ARHGAP39: variants seen among roughly 807,000 people sequenced by gnomAD.
ARHGAP39 encodes rho GTPase-activating protein 39.
ARHGAP39 carries 44 observed loss-of-function variants against 106.9 expected under a neutral mutation model. The ratio of observed to expected loss-of-function variants is 0.41; its 90% CI spans 0.32 to 0.53. ARHGAP39 has a LOEUF of 0.53. Ranked by LOEUF, ARHGAP39 falls within the 20% of genes least tolerant of loss-of-function variation. The pLI, the probability that ARHGAP39 is intolerant of heterozygous loss-of-function variation, is 0.21. For missense variants in ARHGAP39, 1,496 were observed against 1,577.3 expected (o/e 0.95, Z 0.87); for synonymous variants, 768 against 693.2 (o/e 1.11, Z -1.69).
At position 144,603,101 on chromosome 8, in the gene ARHGAP39, G is replaced by A. The variant is rs1429782799; in HGVS notation, c.80+2434C>T. ...CGTGGAGGTGTGTGCGCGAGCTCAT[G>A]TATCTGTGTGCGTGGAGGCGTGTGT... On this transcript the variant is annotated intron_variant, in intron 2 of 11. Coordinates refer to ENST00000377307, the MANE Select transcript of ARHGAP39 (RefSeq NM_025251.3). 2.1e-5 allele frequency among the ~76,000 whole-genome samples: 3 copies of A among 145,306 alleles called. No homozygotes were observed. The Admixed American group carries it at 2.1e-4, about 10-fold the overall frequency.
intron 1 of ARHGAP39, among the ~76,000 whole-genome samples, chr8:144,681,585 G>A (rs72697677): frequency 0.014 from 2,068 of 152,272 alleles, 15 homozygotes; most frequent in Non-Finnish European, 0.022. Context: ...GCCAGTACAA[G>A]CCTACCAGGA....
chr8:144,543,282 T>G lies in ARHGAP39; in HGVS notation c.2521+1967A>C, dbSNP rs1207608975. 1.2e-4 allele frequency among the ~76,000 whole-genome samples: 18 copies of G among 152,294 alleles called. No homozygotes were observed. The East Asian group carries it at 3.1e-3, about 26-fold the overall frequency. Reference sequence around the variant, plus strand: ...GCCACTGTGCCTGGCTGGGCCTGTCTTTCTGAGCAGCAGCCAGCACCTGCA... The same window carrying G: ...GCCACTGTGCCTGGCTGGGCCTGTCGTTCTGAGCAGCAGCCAGCACCTGCA... On this transcript the variant is annotated intron_variant, in intron 6 of 11. Transcript: ENST00000377307.
intron 3 of ARHGAP39, among the ~76,000 whole-genome samples, chr8:144,580,311 C>G (rs193246236): frequency 2.0e-5 from 3 of 152,292 alleles, no homozygotes; most frequent in African/African-American, 7.2e-5. Flanking sequence ...CACGCCCGCA[C>G]GCAAATCCCC....
Position 144,545,230 on chromosome 8 carries a change from A to G in ARHGAP39, c.2521+19T>C, listed in dbSNP as rs1817358557. Reference sequence around the variant, plus strand: ...CTGCCCTTACCTGAGCTGGTGGCAAAGCCCGTGCATGGCCTTACCTTTAGT... The same window carrying G: ...CTGCCCTTACCTGAGCTGGTGGCAAGGCCCGTGCATGGCCTTACCTTTAGT... On this transcript the variant is annotated intron_variant, in intron 6 of 11. Transcript: ENST00000377307. 6.7e-7 allele frequency: 1 copy of G among 1,488,752 alleles called. No homozygotes were observed. The allele number at this position is 1,488,752 out of a possible 1,614,324, so 92.2% of individuals were successfully genotyped here.
chr8:144,614,715 G>A (rs1820590086), intron 1 of ARHGAP39, among the ~76,000 whole-genome samples: 1 of 152,186 alleles, frequency 6.6e-6, no homozygotes, highest in Non-Finnish European at 1.5e-5. Context: ...GTTGACTCTT[G>A]CTTCTGAGAT....
At chr8:144,636,382 G>C (rs1453306610) in intron 1 of ARHGAP39, among the ~76,000 whole-genome samples, 1 of 152,180 alleles carries the variant, frequency 6.6e-6, no homozygotes, top group Non-Finnish European at 1.5e-5. Flanking sequence ...GCCTGGGTTA[G>C]TTTGTTTTGT....
At chr8:144,577,363 T>C (rs914122593) in intron 3 of ARHGAP39, among the ~76,000 whole-genome samples, 3 of 152,134 alleles carry the variant, frequency 2.0e-5, no homozygotes, top group Admixed American at 2.0e-4. Context: ...TCTTAACTGA[T>C]ACAGAAAAGG....
intron 1 of ARHGAP39, among the ~76,000 whole-genome samples, chr8:144,649,405 G>A (rs923760364): frequency 5.9e-5 from 9 of 152,116 alleles, no homozygotes; most frequent in African/African-American, 1.7e-4. Context: ...AGCTGAGATC[G>A]CGCCACTGCA....
rs1286738085 is a variant in ARHGAP39 at position 144,647,730 on chromosome 8, C to A, written c.-82+37956G>T. On this transcript the variant is annotated intron_variant, in intron 1 of 11. Transcript: ENST00000377307. This position sits in a 1 kb window ranked among gnomAD's most constrained non-coding sequence, Gnocchi z 4.8. ...AGACCAATGCAGAATGCAGAGAAAG[C>A]AAGACGCCGTGCCAGGGGAGGGCAG... Among the ~76,000 whole-genome samples the A allele has an allele frequency of 6.6e-6, 1 of 152,244 alleles. No individual in the cohort carries two copies. Among genetic ancestry groups the A allele is most frequent in the Non-Finnish European group, 1.5e-5 (1 of 68,040 alleles).
At chr8:144,689,685 C>T (rs1822704719), upstream of ARHGAP39, among the ~76,000 whole-genome samples, 1 of 151,424 alleles carries the variant, frequency 6.6e-6, no homozygotes, top group Non-Finnish European at 1.5e-5. Context: ...AATGATCTGC[C>T]CACCTCGGCC....
intron 1 of ARHGAP39, among the ~76,000 whole-genome samples, chr8:144,663,354 A>T (rs1821882907): frequency 6.6e-6 from 1 of 152,136 alleles, no homozygotes; most frequent in East Asian, 1.9e-4. Flanking sequence ...TTCCTGGCAG[A>T]CAGGAATGAG....
At chr8:144,587,677 C>T (rs550635297) in intron 2 of ARHGAP39, among the ~76,000 whole-genome samples, 5 of 143,772 alleles carry the variant, frequency 3.5e-5, no homozygotes, top group Admixed American at 7.0e-5. Context: ...TTTTTTGAGA[C>T]GGAGTCTCGC....
chr8:144,626,408 C>T (rs1820916082), intron 1 of ARHGAP39, among the ~76,000 whole-genome samples: 1 of 20,808 alleles, frequency 4.8e-5, no homozygotes, highest in East Asian at 7.6e-4. Flanking sequence ...GCCCCGTTCA[C>T]GGAGCACCCA....
chr8:144,694,239 A>G, the ARHGAP39 span, among the ~76,000 whole-genome samples: 2 of 152,102 alleles, frequency 1.3e-5, no homozygotes, highest in South Asian at 4.2e-4. Flanking sequence ...GGCTTGGGGG[A>G]GCAGCAAGAG....
At chr8:144,615,182 G>A (rs528132154) in intron 1 of ARHGAP39, among the ~76,000 whole-genome samples, 2 of 152,170 alleles carry the variant, frequency 1.3e-5, no homozygotes, top group East Asian at 1.9e-4. Context: ...TTAGCTGGGC[G>A]TGGTGGCACA....
chr8:144,679,160 G>A lies in ARHGAP39; in HGVS notation c.-82+6526C>T, dbSNP rs1040483428. 1.3e-5 allele frequency among the ~76,000 whole-genome samples: 2 copies of A among 152,186 alleles called. No homozygotes were observed. The highest frequency in any genetic ancestry group is 1.9e-4 in the East Asian group (1 of 5,176). On this transcript the variant is annotated intron_variant, in intron 1 of 11. Coordinates refer to ENST00000377307, the MANE Select transcript of ARHGAP39 (RefSeq NM_025251.3). The surrounding 1 kb of genome is among the most constrained non-coding windows in gnomAD (Gnocchi z 4.7). Reference sequence around the variant, plus strand: ...CTCGCGCATGGTGGCCGGCTCCAGCGTCCAGCATCTGCGGCTGAGGGGAGA... The same window carrying A: ...CTCGCGCATGGTGGCCGGCTCCAGCATCCAGCATCTGCGGCTGAGGGGAGA...
rs549870065 is a variant in ARHGAP39, at chr8:144,561,168, T to C, written c.513-5525A>G. ...AGCGGTTTCCATCACACCCCAGTGGTTTCCATCGCACCCCAGCAGTTTCCA... is the reference window on the plus strand; with the variant it reads ...AGCGGTTTCCATCACACCCCAGTGGCTTCCATCGCACCCCAGCAGTTTCCA... On this transcript the variant is annotated intron_variant, in intron 3 of 11. Coordinates refer to ENST00000377307, the MANE Select transcript of ARHGAP39 (RefSeq NM_025251.3). Among the ~76,000 whole-genome samples the C allele has an allele frequency of 2.0e-5, 3 of 152,294 alleles. No homozygotes were observed. In the East Asian group the frequency reaches 5.8e-4, roughly 29 times the overall value.
chr8:144,644,810 C>A lies in ARHGAP39; in HGVS notation c.-81-39115G>T, dbSNP rs1821402520. ...CACCTGCACTCTGAGTCATTGCAGGCACCAAACCCAAGCCCTGTACCTTCA... is the reference window on the plus strand; with the variant it reads ...CACCTGCACTCTGAGTCATTGCAGGAACCAAACCCAAGCCCTGTACCTTCA... On this transcript the variant is annotated intron_variant, in intron 1 of 11. Transcript: ENST00000377307. The surrounding 1 kb of genome is among the most constrained non-coding windows in gnomAD (Gnocchi z 4.8). Among the ~76,000 whole-genome samples, 1 of 152,216 alleles carries A rather than the reference C, an allele frequency of 6.6e-6. No individual in the cohort carries two copies. Among genetic ancestry groups the A allele is most frequent in the African/African-American group, 2.4e-5 (1 of 41,438 alleles).
chr8:144,578,292 G>C (rs560419723), intron 3 of ARHGAP39, among the ~76,000 whole-genome samples: 9 of 152,222 alleles, frequency 5.9e-5, no homozygotes, highest in African/African-American at 2.2e-4. Flanking sequence ...ACAGTGGTGC[G>C]ATCTCGGCTC....
Sources: allele counts gnomAD v4.1 joint callset (sites outside exome capture counted in the v4.1 genomes callset), GRCh38; gene constraint gnomAD v4.1.1; non-coding constraint Gnocchi (gnomAD v3.1); transcripts MANE v1.5; gene names NCBI Gene and HGNC (gene_info 2026-07-23, HGNC 2026-07-21).